The following ACAD9 variants were observed in gnomAD, a reference collection of about 807,000 sequenced individuals.
ACAD9 encodes complex I assembly factor ACAD9, mitochondrial.
Under a neutral mutation model 70.2 loss-of-function variants are expected in ACAD9, and 53 were observed. The ratio of observed to expected loss-of-function variants is 0.75; its 90% CI spans 0.61 to 0.95. ACAD9 has a LOEUF of 0.95. Ranked by LOEUF, ACAD9 falls within the 40% of genes least tolerant of loss-of-function variation. The pLI is 0.00. For synonymous variants in ACAD9, 313 were observed against 312.1 expected, an observed-to-expected ratio of 1.00 and a Z score of -0.03; for missense variants, 777 against 802.8, an observed-to-expected ratio of 0.97 and a Z score of 0.39.
intron 16 of ACAD9, 116 bp from the exon 17 acceptor site, chr3:128,910,625 C>T: frequency 1.8e-6 from 2 of 1,127,452 alleles, no homozygotes; most frequent in Non-Finnish European, 2.7e-6. Context: ...GACTCCTGTG[C>T]CAGGCCTTGT....
intron 3 of ACAD9, among the ~76,000 whole-genome samples, chr3:128,894,923 C>G (rs140879975): frequency 0.051 from 7,018 of 137,968 alleles, 355 homozygotes; most frequent in African/African-American, 0.13. Context: ...GTTGCCCAAG[C>G]TAGAGTGCAG....
chr3:128,903,958 T>C, intron 9 of ACAD9, 104 bp from the exon 10 acceptor site: 2 of 1,232,318 alleles, frequency 1.6e-6, no homozygotes, highest in Non-Finnish European at 1.2e-6. Flanking sequence ...GACACGCTTC[T>C]CACAGTGCCC....
At position 128,896,488 on chromosome 3, in the gene ACAD9, T is replaced by G; in HGVS notation, c.506T>G (p.Leu169Arg). 1 of 1,614,240 alleles carries G rather than the reference T, an allele frequency of 6.2e-7. No individual in the cohort carries two copies. The highest frequency in any genetic ancestry group is 1.1e-5 in the South Asian group (1 of 91,086). The change falls in exon 5 of 18, where the codon CTG (leucine) becomes CGG (arginine). Residue 169 changes from leucine to arginine, a missense_variant. Leu to Arg is a moderately radical substitution (Grantham distance 102). Transcript: ENST00000308982. ...EEQKAKYLPK[L>R]ASGEHIAAFC... ...CAGAAAGCCAAATACTTGCCTAAAC[T>G]GGCGTCCGGGGAGCACATTGCAGCC...
chr3:128,880,223 GCC>G, intron 1 of ACAD9: 1 of 381,896 alleles, frequency 2.6e-6, no homozygotes, highest in South Asian at 2.2e-5. Context: ...ACCTTCCAGC[GCC>G]CTGGGGCTTC....
In ACAD9 at chr3:128,895,303, C is replaced by G. The variant is rs973931566; in HGVS notation, c.347-7C>G. On this transcript the variant is annotated splice_region_variant and splice_polypyrimidine_tract_variant and intron_variant, in intron 3 of 17. Coordinates refer to ENST00000308982, the MANE Select transcript of ACAD9 (RefSeq NM_014049.5). Reference sequence around the variant, plus strand: ...GGCTGTGATTGACGCTGGTCCATCTCTCCTAGGTGGCCTGGGCTTCTCCAA... The same window carrying G: ...GGCTGTGATTGACGCTGGTCCATCTGTCCTAGGTGGCCTGGGCTTCTCCAA... 6.2e-7 allele frequency: 1 copy of G among 1,606,920 alleles called. No individual in the cohort carries two copies. Among genetic ancestry groups the G allele is most frequent in the Non-Finnish European group, 8.5e-7 (1 of 1,175,868 alleles).
chr3:128,884,753 A>G lies in ACAD9; in HGVS notation c.244+7A>G. 3 of 1,605,994 alleles carry G rather than the reference A, an allele frequency of 1.9e-6. No homozygotes were observed. Among genetic ancestry groups the G allele is most frequent in the Non-Finnish European group, 2.6e-6 (3 of 1,173,134 alleles). On this transcript the variant is annotated splice_region_variant and intron_variant, in intron 2 of 17. Coordinates refer to ENST00000308982, the MANE Select transcript of ACAD9 (RefSeq NM_014049.5). ...AAATTCTTCACTGAAGAGGGTATGT[A>G]TGGTTTTCTTTACCATTGCCGATTT...
Position 128,906,255 on chromosome 3 carries a change from T to G in ACAD9, c.1278+6T>G, listed in dbSNP as rs759358857. ...GCATCCTCCTCATCTTCGAGGTGAGTGGCCCCGCCACCAGCTAAGCTGTGC... is the reference window on the plus strand; with the variant it reads ...GCATCCTCCTCATCTTCGAGGTGAGGGGCCCCGCCACCAGCTAAGCTGTGC... On this transcript the variant is annotated splice_donor_region_variant and intron_variant, in intron 12 of 17. Transcript: ENST00000308982. 4 of 1,611,154 alleles carry G rather than the reference T, an allele frequency of 2.5e-6. No homozygotes were observed. In the Middle Eastern group the frequency reaches 5.0e-4, roughly 200 times the overall value.
chr3:128,912,826 G>A lies in ACAD9; in HGVS notation c.*219G>A. On this transcript the variant is annotated 3_prime_UTR_variant, in exon 18 of 18. Transcript: ENST00000308982. The stretch of plus-strand genomic sequence containing the variant: ...AGGACCATCACAGCTTCTGAACTGA[G>A]CCGGAGAGAGAGAATGGAATTGCTG... 1 of 702,374 alleles carries A rather than the reference G, an allele frequency of 1.4e-6. No homozygotes were observed. The highest frequency in any genetic ancestry group is 2.5e-4 in the Middle Eastern group (1 of 4,022). The allele number at this position is 702,374 out of a possible 1,614,324, so 43.5% of individuals were successfully genotyped here. A position where few individuals can be genotyped will look rare whatever the true frequency, so the allele number is the denominator to read the frequency against.
intron 2 of ACAD9, among the ~76,000 whole-genome samples, chr3:128,886,849 G>A (rs528453289): frequency 1.5e-4 from 22 of 150,138 alleles, no homozygotes; most frequent in African/African-American, 4.9e-4. Context: ...ACCTGTTTGT[G>A]CACGTAACCT....
chr3:128,887,956 CAG>C (rs1003676461), intron 2 of ACAD9, among the ~76,000 whole-genome samples: 19 of 152,176 alleles, frequency 1.2e-4, no homozygotes, highest in Admixed American at 6.5e-4. Context: ...TCTGGAGACA[CAG>C]AAAAATCACA....
intron 4 of ACAD9, 110 bp downstream of exon 4, chr3:128,895,526 T>C: frequency 1.0e-6 from 1 of 997,518 alleles, no homozygotes; most frequent in Non-Finnish European, 1.5e-6. Context: ...ATATCTGACC[T>C]TCAGCCCTGC....
chr3:128,886,760 G>A (rs1383735398), intron 2 of ACAD9, among the ~76,000 whole-genome samples: 1 of 150,928 alleles, frequency 6.6e-6, no homozygotes, highest in Non-Finnish European at 1.5e-5. Context: ...GAAAAAAATT[G>A]ATGGAAAGAG....
intron 2 of ACAD9, among the ~76,000 whole-genome samples, chr3:128,893,195 A>G (rs1232370759): frequency 1.3e-5 from 2 of 151,888 alleles, no homozygotes; most frequent in Non-Finnish European, 2.9e-5. Flanking sequence ...AAAAAAAAAA[A>G]AAAAATTAGC....
At chr3:128,887,071 C>G (rs1302008538) in intron 2 of ACAD9, among the ~76,000 whole-genome samples, 1 of 151,804 alleles carries the variant, frequency 6.6e-6, no homozygotes, top group Non-Finnish European at 1.5e-5. Context: ...AATTATAGCA[C>G]GCACCGCCAC....
intron 4 of ACAD9, among the ~76,000 whole-genome samples, chr3:128,896,051 T>A (rs1428940510): frequency 6.6e-6 from 1 of 152,250 alleles, no homozygotes; most frequent in Non-Finnish European, 1.5e-5. Context: ...AGCACTCCTG[T>A]GTCTTCACAT....
chr3:128,896,816 C>T (rs1181430429), intron 5 of ACAD9, among the ~76,000 whole-genome samples: 1 of 152,130 alleles, frequency 6.6e-6, no homozygotes, highest in East Asian at 1.9e-4. Context: ...AATAACGTTC[C>T]GGCTTCAAAG....
At position 128,909,433 on chromosome 3, in the gene ACAD9, C is replaced by T; in HGVS notation, c.1563+12C>T. The T allele has an allele frequency of 1.9e-6, 3 of 1,613,494 alleles. No individual in the cohort carries two copies. The highest frequency in any genetic ancestry group is 1.7e-5 in the Admixed American group (1 of 60,036). On this transcript the variant is annotated intron_variant, in intron 15 of 17. Coordinates refer to ENST00000308982, the MANE Select transcript of ACAD9 (RefSeq NM_014049.5). ...TCCGCTTTGGCAAGGTAACCAGGCC[C>T]TCCCAGGCCTGGGTCGCAAGCGGTC...
intron 2 of ACAD9, among the ~76,000 whole-genome samples, chr3:128,886,732 A>C (rs796087020): frequency 3.3e-4 from 49 of 150,652 alleles, no homozygotes; most frequent in African/African-American, 1.2e-3. Context: ...AAAGAAAAGT[A>C]AGTTAAAAAA....
Position 128,908,232 on chromosome 3 carries a change from G to C in ACAD9, c.1326G>C (p.Gln442His), listed in dbSNP as rs374521270. 1 of 1,614,180 alleles carries C rather than the reference G, an allele frequency of 6.2e-7. No individual in the cohort carries two copies. Among genetic ancestry groups the C allele is most frequent in the East Asian group, 2.2e-5 (1 of 44,890 alleles). The part of the protein sequence containing the change: ...LRMYIALTGL[Q>H]HAGRILTTRI... ...TGTACATCGCCCTGACGGGTCTGCA[G>C]CATGCCGGCCGCATCCTGACTACCA... The change falls in exon 13 of 18, where the codon CAG becomes CAC. Residue 442 changes from glutamine to histidine, a missense_variant. Physicochemically the swap from Gln to His is conservative, Grantham distance 24 (BLOSUM62 0). Coordinates refer to ENST00000308982, the MANE Select transcript of ACAD9 (RefSeq NM_014049.5).
Sources: allele counts gnomAD v4.1 joint callset (sites outside exome capture counted in the v4.1 genomes callset), GRCh38; gene constraint gnomAD v4.1.1; transcripts MANE v1.5; gene names NCBI Gene and HGNC (gene_info 2026-07-23, HGNC 2026-07-21).